The following ING4 variants were observed in gnomAD, a reference collection of about 807,000 sequenced individuals.
ING4 encodes the protein inhibitor of growth family member 4.
Under a neutral mutation model 33.1 loss-of-function variants are expected in ING4, and 28 were observed. The observed-to-expected ratio is 0.85, with a 90% CI of 0.63 to 1.16. The LOEUF is 1.16. ING4 is among the 50% of genes most tolerant of loss of function. The pLI, the probability that ING4 is intolerant of heterozygous loss-of-function variation, is 0.00. For missense variants in ING4, 247 were observed against 314.7 expected, an observed-to-expected ratio of 0.78 and a Z score of 1.63; for synonymous variants, 87 against 104.4, an observed-to-expected ratio of 0.83 and a Z score of 1.02.
At position 6,653,216 on chromosome 12, in the gene ING4, G is replaced by T. The variant is rs552044671; in HGVS notation, c.276+14C>A. 5.6e-6 allele frequency: 9 copies of T among 1,613,614 alleles called. No individual in the cohort carries two copies. Among genetic ancestry groups the T allele is most frequent in the Non-Finnish European group, 7.6e-6 (9 of 1,179,770 alleles). ...AGATGGGAAGTAGGTGGGGAGCCAT[G>T]AACAGGGCCATACCATCTCATAGGT... On this transcript the variant is annotated intron_variant, in intron 3 of 7. Coordinates refer to ENST00000341550, the MANE Select transcript of ING4 (RefSeq NM_016162.4).
chr12:6,660,727 G>T (rs768689646), intron 1 of ING4, among the ~76,000 whole-genome samples: 1 of 152,188 alleles, frequency 6.6e-6, no homozygotes, highest in Non-Finnish European at 1.5e-5. Flanking sequence ...CTGAGTCACT[G>T]GTGATTTACC....
chr12:6,657,322 G>A (rs373029305), intron 1 of ING4, among the ~76,000 whole-genome samples: 5 of 150,486 alleles, frequency 3.3e-5, no homozygotes, highest in South Asian at 4.2e-4. Flanking sequence ...GATGGCGGGC[G>A]CCTGTACTCC....
intron 2 of ING4, among the ~76,000 whole-genome samples, chr12:6,655,389 A>G (rs116416840): frequency 1.2e-3 from 182 of 152,334 alleles, no homozygotes; most frequent in African/African-American, 4.1e-3. Flanking sequence ...CAGGACATTG[A>G]GACTATAGAT....
Position 6,651,316 on chromosome 12 carries a change from C to T in ING4, c.707+8G>A, listed in dbSNP as rs770019196. The T allele has an allele frequency of 6.8e-6, 11 of 1,613,988 alleles. No individual in the cohort carries two copies. The East Asian group carries it at 1.1e-4, about 16-fold the overall frequency. On this transcript the variant is annotated splice_region_variant and intron_variant, in intron 7 of 7. Transcript: ENST00000341550. ...CAACTTAGGGACCCTCCAACTCCTG[C>T]CACTTACCATTTCCCCCGAGGCTTG...
intron 1 of ING4, among the ~76,000 whole-genome samples, chr12:6,662,711 T>A (rs7397940): frequency 6.6e-6 from 1 of 152,018 alleles, no homozygotes; most frequent in African/African-American, 2.4e-5. Flanking sequence ...CTTTACCGCT[T>A]CTCCAAATGG....
chr12:6,654,497 T>C (rs550844265), intron 2 of ING4, among the ~76,000 whole-genome samples: 1 of 151,988 alleles, frequency 6.6e-6, no homozygotes, highest in Admixed American at 6.6e-5. Flanking sequence ...TACACCCTGA[T>C]AATTTTTTTA....
chr12:6,651,013 C>T lies in ING4; in HGVS notation c.*182G>A, dbSNP rs1052888090. On this transcript the variant is annotated 3_prime_UTR_variant, in exon 8 of 8. Transcript: ENST00000341550. ...CACATACCGTTAGTGGCTGCGGCAC[C>T]CCTCCCTACCAGGGTCTGATGCAGC... 7.4e-6 allele frequency: 5 copies of T among 677,194 alleles called. No homozygotes were observed. The African/African-American group carries it at 9.0e-5, about 12-fold the overall frequency. The allele number at this position is 677,194 out of a possible 1,614,324, so 41.9% of individuals were successfully genotyped here.
At chr12:6,652,885 T>C in intron 4 of ING4, 51 bp downstream of exon 4, 1 of 1,560,672 alleles carries the variant, frequency 6.4e-7, no homozygotes, top group Non-Finnish European at 8.8e-7. Flanking sequence ...AGCTGACTTC[T>C]TCTCCCTTTC....
Position 6,652,762 on chromosome 12 carries a change from T to A in ING4, c.397A>T (p.Thr133Ser). ...CGAGCAGCTTTCTTCTCCTTTTGAG[T>A]CCGGCCTTCTAGGGAAGAGGGAGAA... ...SSSSKGKKSRTQKEKKAARAR... is the reference protein window; with the variant it reads ...SSSSKGKKSRSQKEKKAARAR... The change falls in exon 5 of 8, where the codon ACT becomes TCT. Residue 133 changes from threonine (T) to serine (S), a missense_variant. This residue lies in a region of ING4 where 198 missense variants were observed against 221.2 expected (regional missense o/e 0.89). Coordinates refer to ENST00000341550, the MANE Select transcript of ING4 (RefSeq NM_016162.4). The A allele has an allele frequency of 6.2e-7, 1 of 1,613,978 alleles. No individual in the cohort carries two copies. Among genetic ancestry groups the A allele is most frequent in the Non-Finnish European group, 8.5e-7 (1 of 1,179,966 alleles).
At chr12:6,659,941 CTG>C (rs1189672178) in intron 1 of ING4, among the ~76,000 whole-genome samples, 1 of 151,822 alleles carries the variant, frequency 6.6e-6, no homozygotes, top group Non-Finnish European at 1.5e-5. Flanking sequence ...AAGAGCAAGA[CTG>C]TTTCAAAAAA....
chr12:6,652,257 A>C lies in ING4; in HGVS notation c.645+14T>G. 1 of 1,612,410 alleles carries C rather than the reference A, an allele frequency of 6.2e-7. No individual in the cohort carries two copies. Among genetic ancestry groups the C allele is most frequent in the Non-Finnish European group, 8.5e-7 (1 of 1,178,836 alleles). ...CCCTCACAACCCCCCATCCTAAGGCAAAATGTTTCTCACATCAGGGTTGTC... is the reference window on the plus strand; with the variant it reads ...CCCTCACAACCCCCCATCCTAAGGCCAAATGTTTCTCACATCAGGGTTGTC... On this transcript the variant is annotated intron_variant, in intron 6 of 7. Transcript: ENST00000341550.
intron 1 of ING4, among the ~76,000 whole-genome samples, chr12:6,662,848 C>A (rs777570471): frequency 7.0e-6 from 1 of 143,808 alleles, no homozygotes; most frequent in Non-Finnish European, 1.5e-5. Context: ...ACGTCTCTAA[C>A]CCCCACACCG....
intron 2 of ING4, 157 bp downstream of exon 2, chr12:6,656,570 G>T: frequency 1.7e-6 from 1 of 593,178 alleles, no homozygotes; most frequent in South Asian, 2.1e-5. Context: ...ACAGAAATGA[G>T]GATCATTATC....
chr12:6,653,345 C>A lies in ING4; in HGVS notation c.161G>T (p.Arg54Leu). Reference sequence around the variant, plus strand: ...CAATTTTTCCTCGGAGCTCAGGCTGCGGGCACTACTCATATACTCAGTGGC... The same window carrying A: ...CAATTTTTCCTCGGAGCTCAGGCTGAGGGCACTACTCATATACTCAGTGGC... ...KLATEYMSSA[R>L]SLSSEEKLAL... The change falls in exon 3 of 8, where the codon CGC becomes CTC. Residue 54 changes from arginine (R) to leucine (L), a missense_variant. Arg to Leu is a moderately radical substitution (Grantham distance 102). Transcript: ENST00000341550. 2 of 1,614,128 alleles carry A rather than the reference C, an allele frequency of 1.2e-6. No homozygotes were observed. The highest frequency in any genetic ancestry group is 1.7e-6 in the Non-Finnish European group (2 of 1,180,018).
In ING4 at chr12:6,653,356, CATAT is replaced by C. The variant is rs1175640939; in HGVS notation, c.146_149del (p.Tyr49Ter). 1 of 1,614,206 alleles carries C rather than the reference CATAT, an allele frequency of 6.2e-7. No homozygotes were observed. Among genetic ancestry groups the C allele is most frequent in the South Asian group, 1.1e-5 (1 of 91,082 alleles). Reference sequence around the variant, plus strand: ...CGGAGCTCAGGCTGCGGGCACTACTCATATACTCAGTGGCCAACTTGTCAATTTC... The same window carrying C: ...CGGAGCTCAGGCTGCGGGCACTACTCACTCAGTGGCCAACTTGTCAATTTC... On this transcript the variant is annotated frameshift_variant, in exon 3 of 8. Coordinates refer to ENST00000341550, the MANE Select transcript of ING4 (RefSeq NM_016162.4). LOFTEE classifies it high-confidence loss of function.
At chr12:6,661,273 T>G (rs547351477) in intron 1 of ING4, among the ~76,000 whole-genome samples, 33 of 151,708 alleles carry the variant, frequency 2.2e-4, no homozygotes, top group Non-Finnish European at 4.4e-4. Context: ...ATTTTTTTTA[T>G]TTTTAGTAGA....
intron 2 of ING4, 86 bp downstream of exon 2, chr12:6,656,641 A>G (rs1045507134): frequency 1.9e-5 from 15 of 776,168 alleles, no homozygotes; most frequent in Non-Finnish European, 3.2e-5. Flanking sequence ...TCTCCAGATC[A>G]TACCAGATGA....
intron 1 of ING4, among the ~76,000 whole-genome samples, chr12:6,658,127 T>C (rs932571163): frequency 4.0e-5 from 6 of 151,316 alleles, no homozygotes; most frequent in Non-Finnish European, 8.8e-5. Context: ...ACCCGACTAA[T>C]TTTTGTATTT....
chr12:6,656,495 G>T, intron 2 of ING4: 1 of 418,120 alleles, frequency 2.4e-6, no homozygotes, highest in Non-Finnish European at 4.2e-6. Flanking sequence ...AAGACATAAA[G>T]AACACAGCAT....
Sources: allele counts gnomAD v4.1 joint callset (sites outside exome capture counted in the v4.1 genomes callset), GRCh38; gene constraint gnomAD v4.1.1; regional missense constraint gnomAD v4.1.1; transcripts MANE v1.5; gene names NCBI Gene and HGNC (gene_info 2026-07-23, HGNC 2026-07-21).